Variants in CIDEC observed in about 807,000 individuals in gnomAD.
CIDEC encodes lipid transferase CIDEC.
In CIDEC, 11 loss-of-function variants were observed where a neutral mutation model predicts 21.9. The observed-to-expected ratio is 0.50, with a 90% CI of 0.32 to 0.83. The LOEUF is 0.83. Among genes scored for constraint, CIDEC ranks in the 40% least tolerant of loss-of-function variants. The pLI, the probability that CIDEC is intolerant of heterozygous loss-of-function variation, is 0.04. For missense variants in CIDEC, 302 were observed against 302.3 expected (o/e 1.00, Z 0.01); for synonymous variants, 127 against 124.9 (o/e 1.02, Z -0.11).
At chr3:9,869,816 T>C in intron 6 of CIDEC, 66 bp downstream of exon 6, 5 of 1,461,556 alleles carry the variant, frequency 3.4e-6, no homozygotes, top group Non-Finnish European at 3.8e-6. Context: ...TGAGTCCATG[T>C]GGACAGATAG....
intron 4 of CIDEC, among the ~76,000 whole-genome samples, chr3:9,874,545 TAATAATAATA>T (rs1174459680): frequency 6.9e-6 from 1 of 145,304 alleles, no homozygotes; most frequent in Non-Finnish European, 1.5e-5. Flanking sequence ...ATAATAATAA[TAATAATAATA>T]AGTGAATACA....
At position 9,867,259 on chromosome 3, in the gene CIDEC, T is replaced by TGGCCTGC. The variant is rs749053376; in HGVS notation, c.585_591dup (p.Thr198AlafsTer55). 1 of 1,614,198 alleles carries TGGCCTGC rather than the reference T, an allele frequency of 6.2e-7. No individual in the cohort carries two copies. The highest frequency in any genetic ancestry group is 8.5e-7 in the Non-Finnish European group (1 of 1,180,048). The stretch of plus-strand genomic sequence containing the variant: ...GAGGTGCCAAGCAGTACGTGGCCTG[T>TGGCCTGC]GGCCTGCATGCTGAAGAGGGCCCAG... On this transcript the variant is annotated frameshift_variant, in exon 7 of 7. Transcript: ENST00000336832. LOFTEE classifies it high-confidence loss of function.
intron 4 of CIDEC, among the ~76,000 whole-genome samples, chr3:9,873,611 G>A (rs1192261022): frequency 3.3e-5 from 5 of 151,906 alleles, no homozygotes; most frequent in Admixed American, 6.6e-5. Context: ...GTGAGACTCC[G>A]TCTCACCGTC....
At chr3:9,875,389 A>AAAAG (rs1553563764) in intron 4 of CIDEC, among the ~76,000 whole-genome samples, 4 of 151,760 alleles carry the variant, frequency 2.6e-5, no homozygotes, top group African/African-American at 9.7e-5. Context: ...AAAAAAAAAA[A>AAAAG]AAAAGAAAAA....
intron 4 of CIDEC, among the ~76,000 whole-genome samples, chr3:9,876,726 C>T (rs1045192878): frequency 7.3e-6 from 1 of 136,592 alleles, no homozygotes; most frequent in Non-Finnish European, 1.5e-5. Context: ...CATTGCACTC[C>T]AGCCTGGATG....
At chr3:9,877,736 CA>C (rs2082447203) in intron 3 of CIDEC, 2 of 172,002 alleles carry the variant, frequency 1.2e-5, no homozygotes, top group Admixed American at 1.1e-4. Context: ...ACACATAAGT[CA>C]CCAGGGCTTC....
At chr3:9,869,372 T>C (rs1324219600) in intron 6 of CIDEC, among the ~76,000 whole-genome samples, 1 of 152,138 alleles carries the variant, frequency 6.6e-6, no homozygotes, top group Non-Finnish European at 1.5e-5. Context: ...TGCTTCAGCC[T>C]CCTGAGTAGT....
At chr3:9,878,108 C>T in intron 3 of CIDEC, 1 of 308,428 alleles carries the variant, frequency 3.2e-6, no homozygotes, top group Non-Finnish European at 6.3e-6. Flanking sequence ...CCACTATGTG[C>T]CTCAGTTCTC....
chr3:9,870,438 A>G, intron 4 of CIDEC, 116 bp from the exon 5 acceptor site: 1 of 1,568,728 alleles, frequency 6.4e-7, no homozygotes, highest in South Asian at 1.1e-5. Flanking sequence ...AGACTTTATC[A>G]TGGTACCTCT....
chr3:9,875,336 C>T (rs1171569072), intron 4 of CIDEC, among the ~76,000 whole-genome samples: 1 of 145,482 alleles, frequency 6.9e-6, no homozygotes, highest in Non-Finnish European at 1.5e-5. Flanking sequence ...GAGATAGCAC[C>T]ACTGCACTCC....
intron 1 of CIDEC, among the ~76,000 whole-genome samples, chr3:9,879,278 C>G (rs914546908): frequency 6.6e-6 from 1 of 151,740 alleles, no homozygotes; most frequent in South Asian, 2.1e-4. Context: ...CAGCCTCCCC[C>G]GTAGCTGGGA....
intron 4 of CIDEC, among the ~76,000 whole-genome samples, chr3:9,871,618 CA>C (rs2082349017): frequency 6.6e-6 from 1 of 151,498 alleles, no homozygotes; most frequent in African/African-American, 2.4e-5. Flanking sequence ...GTATTTTAGC[CA>C]AAAATCCTTA....
intron 4 of CIDEC, among the ~76,000 whole-genome samples, chr3:9,873,075 G>A (rs1218611356): frequency 1.3e-5 from 2 of 151,808 alleles, no homozygotes; most frequent in African/African-American, 4.8e-5. Context: ...GTTTGTTTTG[G>A]TTTGTTTTGG....
At chr3:9,879,161 A>ATTTTTTTT (rs56881276) in intron 1 of CIDEC, 107 bp from the exon 2 acceptor site, 19,697 of 145,114 alleles carry the variant, frequency 0.14, 2,285 homozygotes, top group East Asian at 0.54. Flanking sequence ...CAGGAGCTGA[A>ATTTTTTTT]TTTTTTTTTT....
intron 4 of CIDEC, among the ~76,000 whole-genome samples, chr3:9,874,447 T>C (rs1450178921): frequency 1.3e-5 from 2 of 151,608 alleles, no homozygotes; most frequent in African/African-American, 4.8e-5. Flanking sequence ...ACCTAGGAGT[T>C]TGAGGCTGCA....
chr3:9,871,194 T>TTC (rs2125044394), intron 4 of CIDEC, among the ~76,000 whole-genome samples: 1 of 148,664 alleles, frequency 6.7e-6, no homozygotes, highest in South Asian at 2.2e-4. Flanking sequence ...TTTTTTTTTT[T>TTC]CTGGGGAGAA....
chr3:9,872,116 T>A (rs910290540), intron 4 of CIDEC, among the ~76,000 whole-genome samples: 1 of 152,132 alleles, frequency 6.6e-6, no homozygotes, highest in Non-Finnish European at 1.5e-5. Context: ...CCCAGCCATA[T>A]ATCCACTTTT....
intron 4 of CIDEC, 98 bp from the exon 5 acceptor site, chr3:9,870,420 C>T: frequency 6.3e-7 from 1 of 1,583,412 alleles, no homozygotes. Context: ...TGTGGAATCA[C>T]TACCCAGAGA....
At position 9,877,327 on chromosome 3, in the gene CIDEC, A is replaced by AC. The variant is rs200782341; in HGVS notation, c.54-109dup. ...TCCTGACTGGGCTCATGATCAGTCA[A>AC]CCCCCCATCACCTGCTAATCCTGCC... is the stretch of plus-strand genomic sequence containing the variant. On this transcript the variant is annotated intron_variant, in intron 3 of 6. Coordinates refer to ENST00000336832, the MANE Select transcript of CIDEC (RefSeq NM_001321142.2). The AC allele has an allele frequency of 6.0e-3, 6,104 of 1,023,536 alleles. 62 individuals carry two copies. Among genetic ancestry groups the AC allele is most frequent in the African/African-American group, 0.033 (2,084 of 62,866 alleles). The allele number at this position is 1,023,536 out of a possible 1,614,324, so 63.4% of individuals were successfully genotyped here.
Sources: allele counts gnomAD v4.1 joint callset (sites outside exome capture counted in the v4.1 genomes callset), GRCh38; gene constraint gnomAD v4.1.1; transcripts MANE v1.5; gene names NCBI Gene and HGNC (gene_info 2026-07-23, HGNC 2026-07-21).